The following TBC1D22A variants were observed in gnomAD, a reference collection of about 807,000 sequenced individuals.
TBC1D22A encodes TBC1 domain family member 22A, also known as putative GTPase activator.
In TBC1D22A, 38 loss-of-function variants were observed where a neutral mutation model predicts 60.2. The observed-to-expected ratio is 0.63, with a 90% CI of 0.49 to 0.83. TBC1D22A has a LOEUF of 0.83. TBC1D22A is among the 40% of genes least tolerant of loss of function. The pLI, the probability that TBC1D22A is intolerant of heterozygous loss-of-function variation, is 0.00. For missense variants in TBC1D22A, 628 were observed against 701.0 expected (o/e 0.90, Z 1.18); for synonymous variants, 302 against 281.7 (o/e 1.07, Z -0.72).
At chr22:47,121,959 C>T (rs2066286037) in intron 12 of TBC1D22A, among the ~76,000 whole-genome samples, 1 of 152,184 alleles carries the variant, frequency 6.6e-6, no homozygotes, top group African/African-American at 2.4e-5. Context: ...CGCATCCAGC[C>T]TTGAGGTGTC....
intron 11 of TBC1D22A, among the ~76,000 whole-genome samples, chr22:47,109,003 A>G (rs5767500): frequency 0.45 from 68,524 of 152,122 alleles, 16,718 homozygotes; most frequent in African/African-American, 0.64. Flanking sequence ...CCTGAAATAT[A>G]TAAAGTTTAT....
At chr22:46,859,115 C>G (rs1432552345) in intron 4 of TBC1D22A, among the ~76,000 whole-genome samples, 97 of 135,284 alleles carry the variant, frequency 7.2e-4, no homozygotes, top group African/African-American at 2.7e-3. Flanking sequence ...GACCAGAATC[C>G]TTTTCCATAG....
At chr22:46,974,208 C>G in intron 8 of TBC1D22A, 82 bp from the exon 9 acceptor site, 1 of 1,179,100 alleles carries the variant, frequency 8.5e-7, no homozygotes. Context: ...AGGCTCAGCT[C>G]TGTTCCTCCG....
chr22:46,862,710 G>T (rs2087968885), intron 4 of TBC1D22A, among the ~76,000 whole-genome samples: 1 of 152,098 alleles, frequency 6.6e-6, no homozygotes, highest in Non-Finnish European at 1.5e-5. Flanking sequence ...AAGGGTGGTG[G>T]ATTGCCTCCC....
chr22:46,808,830 G>A (rs969394579), intron 4 of TBC1D22A, among the ~76,000 whole-genome samples: 30 of 152,272 alleles, frequency 2.0e-4, no homozygotes, highest in African/African-American at 6.5e-4. Flanking sequence ...TCCTGACCTC[G>A]TGATCCACCC....
At chr22:47,101,413 G>A (rs557465525) in intron 11 of TBC1D22A, among the ~76,000 whole-genome samples, 44 of 152,326 alleles carry the variant, frequency 2.9e-4, no homozygotes, top group Admixed American at 2.1e-3. Context: ...TGCCCTGGTC[G>A]GGCTAGGTAT....
intron 8 of TBC1D22A, among the ~76,000 whole-genome samples, chr22:46,968,686 A>T (rs747156096): frequency 2.1e-4 from 32 of 152,154 alleles, no homozygotes; most frequent in Non-Finnish European, 4.0e-4. Flanking sequence ...CTTCATCACC[A>T]GGACCATCTG....
At chr22:47,165,580 G>A (rs911079742) in intron 12 of TBC1D22A, among the ~76,000 whole-genome samples, 16 of 152,098 alleles carry the variant, frequency 1.1e-4, no homozygotes, top group African/African-American at 3.9e-4. Flanking sequence ...CACTGCCCCC[G>A]ACAGTGGTAT....
At chr22:46,784,573 A>G (rs575214222) in intron 1 of TBC1D22A, among the ~76,000 whole-genome samples, 1 of 152,370 alleles carries the variant, frequency 6.6e-6, no homozygotes, top group Non-Finnish European at 1.5e-5. Flanking sequence ...GTAAACAAAA[A>G]TGGTTTGCCT....
chr22:47,167,110 G>A (rs2068237463), intron 12 of TBC1D22A, among the ~76,000 whole-genome samples: 1 of 152,198 alleles, frequency 6.6e-6, no homozygotes, highest in East Asian at 1.9e-4. Flanking sequence ...AAATCATCAC[G>A]TTTTCTCCCA....
At chr22:46,792,213 CCCTCAT>C (rs1387402902) in intron 1 of TBC1D22A, among the ~76,000 whole-genome samples, 1 of 152,218 alleles carries the variant, frequency 6.6e-6, no homozygotes, top group East Asian at 1.9e-4. Context: ...CTCCCAGACA[CCCTCAT>C]CACCGTGTAG....
chr22:47,036,352 C>CA (rs1274667481), intron 10 of TBC1D22A, among the ~76,000 whole-genome samples: 9 of 152,316 alleles, frequency 5.9e-5, no homozygotes, highest in African/African-American at 2.2e-4. Context: ...CCAGGAGTGA[C>CA]ACCGCCAGGA....
At chr22:46,904,191 G>A (rs992838482) in intron 7 of TBC1D22A, among the ~76,000 whole-genome samples, 2 of 141,362 alleles carry the variant, frequency 1.4e-5, no homozygotes, top group African/African-American at 5.7e-5. Context: ...GAGAGCAAAA[G>A]CTTAGAACTG....
intron 8 of TBC1D22A, among the ~76,000 whole-genome samples, chr22:46,954,953 A>AG (rs750040734): frequency 5.9e-5 from 9 of 152,214 alleles, no homozygotes; most frequent in Non-Finnish European, 1.0e-4. Context: ...GAACCACAAA[A>AG]TGTTATTTAT....
At chr22:47,146,466 C>T (rs1057327784) in intron 12 of TBC1D22A, among the ~76,000 whole-genome samples, 2 of 152,210 alleles carry the variant, frequency 1.3e-5, no homozygotes, top group South Asian at 2.1e-4. Flanking sequence ...AGCCCAGACC[C>T]GTGGCTCCTT....
At chr22:47,169,374 C>A (rs2068342712) in intron 12 of TBC1D22A, among the ~76,000 whole-genome samples, 1 of 152,190 alleles carries the variant, frequency 6.6e-6, no homozygotes, top group South Asian at 2.1e-4. Context: ...TCCTGAGAAC[C>A]AACACATCCC....
intron 8 of TBC1D22A, among the ~76,000 whole-genome samples, chr22:46,932,337 C>T (rs766650708): frequency 2.0e-5 from 3 of 152,218 alleles, no homozygotes; most frequent in Admixed American, 6.5e-5. Context: ...CAGCTTGTCA[C>T]CTCAAAGAGT....
intron 1 of TBC1D22A, among the ~76,000 whole-genome samples, chr22:46,790,329 T>C (rs1008790306): frequency 1.3e-5 from 2 of 152,262 alleles, no homozygotes; most frequent in African/African-American, 2.4e-5. Flanking sequence ...GGTTCTCTGC[T>C]TTTGAGTACT....
intron 11 of TBC1D22A, among the ~76,000 whole-genome samples, chr22:47,054,572 G>A (rs1202102421): frequency 6.6e-6 from 1 of 152,290 alleles, no homozygotes; most frequent in Admixed American, 6.5e-5. Context: ...CCTTCCCAGC[G>A]GCAGCTCATT....
Sources: allele counts gnomAD v4.1 joint callset (sites outside exome capture counted in the v4.1 genomes callset), GRCh38; gene constraint gnomAD v4.1.1; transcripts MANE v1.5; gene names NCBI Gene and HGNC (gene_info 2026-07-23, HGNC 2026-07-21).